The following CDH19 variants were observed in gnomAD, a reference collection of about 807,000 sequenced individuals.
CDH19 encodes the protein cadherin 19, also known as cadherin-19.
CDH19 carries 67 observed loss-of-function variants against 64.2 expected under a neutral mutation model. That is an observed-to-expected ratio of 1.04 (90% confidence interval 0.86 to 1.28). The LOEUF is 1.28. CDH19 is among the 50% of genes most tolerant of loss of function. CDH19 has a pLI of 0.00. For missense variants in CDH19, 1,030 were observed against 929.0 expected (o/e 1.11, Z -1.41); for synonymous variants, 346 against 319.3 (o/e 1.08, Z -0.89).
chr18:66,534,314 G>T (rs2144437278), intron 8 of CDH19, among the ~76,000 whole-genome samples: 1 of 151,892 alleles, frequency 6.6e-6, no homozygotes, highest in African/African-American at 2.4e-5. Flanking sequence ...ACTGTTCATT[G>T]TATCGCAAAT....
intron 5 of CDH19, among the ~76,000 whole-genome samples, chr18:66,550,129 C>A (rs1335192587): frequency 6.6e-6 from 1 of 152,022 alleles, no homozygotes; most frequent in African/African-American, 2.4e-5. Context: ...AAATTTTCTT[C>A]CTAGCATGAT....
At chr18:66,563,052 A>G (rs1330841078) in intron 3 of CDH19, among the ~76,000 whole-genome samples, 1 of 152,132 alleles carries the variant, frequency 6.6e-6, no homozygotes, top group Non-Finnish European at 1.5e-5. Flanking sequence ...CCTGTGTCAC[A>G]TAGAATGCTT....
chr18:66,559,427 T>C (rs938005423), intron 3 of CDH19, among the ~76,000 whole-genome samples: 1 of 151,808 alleles, frequency 6.6e-6, no homozygotes, highest in Non-Finnish European at 1.5e-5. Flanking sequence ...GTCACTATTA[T>C]TTTTTTCGGC....
intron 5 of CDH19, among the ~76,000 whole-genome samples, chr18:66,550,187 A>C (rs73539788): frequency 6.6e-6 from 1 of 152,076 alleles, no homozygotes; most frequent in African/African-American, 2.4e-5. Flanking sequence ...TCCTGTAGCT[A>C]AAACAGTATA....
chr18:66,523,550 T>C (rs1469546775), intron 9 of CDH19, among the ~76,000 whole-genome samples: 1 of 145,110 alleles, frequency 6.9e-6, no homozygotes, highest in Non-Finnish European at 1.5e-5. Flanking sequence ...AGGATAAATA[T>C]GCAGGACTTG....
At chr18:66,525,637 G>A (rs1248218870) in intron 9 of CDH19, among the ~76,000 whole-genome samples, 1 of 152,016 alleles carries the variant, frequency 6.6e-6, no homozygotes, top group Non-Finnish European at 1.5e-5. Context: ...TTAAAACAAG[G>A]CATCTTAATA....
rs565795869 is a variant in CDH19, at chr18:66,529,655, A to T, written c.1458+190T>A. Reference sequence around the variant, plus strand: ...TATTACATATTATAAAGCTTATTTTATATATATAATTTGTATATATATTGA... The same window carrying T: ...TATTACATATTATAAAGCTTATTTTTTATATATAATTTGTATATATATTGA... On this transcript the variant is annotated intron_variant, in intron 9 of 11. Coordinates refer to ENST00000262150, the MANE Select transcript of CDH19 (RefSeq NM_021153.4). Among the ~76,000 whole-genome samples, 8 of 147,944 alleles carry T rather than the reference A, an allele frequency of 5.4e-5. No individual in the cohort carries two copies. The South Asian group carries it at 1.5e-3, about 27-fold the overall frequency.
intron 1 of CDH19, among the ~76,000 whole-genome samples, chr18:66,601,098 T>G (rs546528296): frequency 1.3e-5 from 2 of 151,978 alleles, no homozygotes; most frequent in South Asian, 4.1e-4. Context: ...CTATACCTTT[T>G]CTCTTTGCCT....
chr18:66,598,979 G>C (rs958837061), intron 1 of CDH19, among the ~76,000 whole-genome samples: 1 of 151,888 alleles, frequency 6.6e-6, no homozygotes, highest in South Asian at 2.1e-4. Context: ...CTCAAGATAA[G>C]AATTATTTTA....
chr18:66,588,038 G>T (rs1988627073), intron 1 of CDH19, among the ~76,000 whole-genome samples: 2 of 152,146 alleles, frequency 1.3e-5, no homozygotes, highest in South Asian at 4.1e-4. Flanking sequence ...TAATATTGAT[G>T]AGAAAAAAGT....
At chr18:66,511,897 A>T (rs984475956) in intron 9 of CDH19, among the ~76,000 whole-genome samples, 1 of 151,630 alleles carries the variant, frequency 6.6e-6, no homozygotes, top group African/African-American at 2.4e-5. Context: ...TTGTAATATT[A>T]CATAATAAAC....
intron 5 of CDH19, among the ~76,000 whole-genome samples, chr18:66,546,063 G>C (rs1345833530): frequency 6.6e-6 from 1 of 151,762 alleles, no homozygotes; most frequent in African/African-American, 2.4e-5. Flanking sequence ...CATTACTCAT[G>C]TCAAGCGGCA....
chr18:66,543,709 C>T (rs1220260574), intron 7 of CDH19, among the ~76,000 whole-genome samples: 2 of 151,884 alleles, frequency 1.3e-5, no homozygotes, highest in Non-Finnish European at 2.9e-5. Flanking sequence ...GTGATGAAAC[C>T]CCGTCTCTAC....
intron 8 of CDH19, among the ~76,000 whole-genome samples, chr18:66,531,571 G>A (rs753308547): frequency 6.6e-6 from 1 of 152,054 alleles, no homozygotes; most frequent in Non-Finnish European, 1.5e-5. Flanking sequence ...AGCTGTGATC[G>A]GGCTACTGCA....
intron 8 of CDH19, 46 bp from the exon 9 acceptor site, chr18:66,530,012 GTCT>G: frequency 1.3e-5 from 13 of 978,698 alleles, no homozygotes; most frequent in Non-Finnish European, 1.9e-5. Context: ...ATTTTAATAT[GTCT>G]TTAGAAGAGA....
intron 5 of CDH19, among the ~76,000 whole-genome samples, chr18:66,546,234 A>G (rs947256898): frequency 3.3e-5 from 5 of 152,164 alleles, no homozygotes; most frequent in Non-Finnish European, 7.4e-5. Context: ...TTTAAGTGGA[A>G]TAAGTGTTAA....
chr18:66,580,520 T>G (rs1432452049), intron 1 of CDH19, among the ~76,000 whole-genome samples: 2 of 152,108 alleles, frequency 1.3e-5, no homozygotes, highest in East Asian at 3.8e-4. Flanking sequence ...GTAATTACAA[T>G]GATTGAAATA....
intron 1 of CDH19, among the ~76,000 whole-genome samples, chr18:66,597,947 C>T (rs974837623): frequency 3.9e-5 from 6 of 151,942 alleles, no homozygotes; most frequent in African/African-American, 1.5e-4. Context: ...ATGTAAATGA[C>T]GAGTTAATGG....
intron 1 of CDH19, among the ~76,000 whole-genome samples, chr18:66,582,741 C>A (rs1028391013): frequency 2.0e-5 from 3 of 150,932 alleles, no homozygotes. Context: ...CATTACACAG[C>A]CTTCCACATT....
Sources: allele counts gnomAD v4.1 joint callset (sites outside exome capture counted in the v4.1 genomes callset), GRCh38; gene constraint gnomAD v4.1.1; transcripts MANE v1.5; gene names NCBI Gene and HGNC (gene_info 2026-07-23, HGNC 2026-07-21).